AGBL1: variants seen among roughly 807,000 people sequenced by gnomAD.
AGBL1 encodes cytosolic carboxypeptidase 4.
Under a neutral mutation model 118.9 loss-of-function variants are expected in AGBL1, and 130 were observed. The ratio of observed to expected loss-of-function variants is 1.09; its 90% confidence interval spans 0.95 to 1.26. The LOEUF (loss-of-function observed/expected upper bound fraction) is 1.26, where lower values mean the gene tolerates loss of function less well. Among genes scored for constraint, AGBL1 ranks in the 50% most tolerant of loss-of-function variants. The probability of loss-of-function intolerance (pLI) is 0.00; values close to 1 mark genes in which losing one functional copy is unlikely to be tolerated. For missense variants in AGBL1, 1,584 were observed against 1,298.1 expected, an observed-to-expected ratio of 1.22 and a Z score of -3.38; for synonymous variants, 555 against 478.9, an observed-to-expected ratio of 1.16 and a Z score of -2.08.
chr15:86,534,133 A>T (rs2083389331), intron 19 of AGBL1, among the ~76,000 whole-genome samples: 1 of 150,778 alleles, frequency 6.6e-6, no homozygotes, highest in African/African-American at 2.4e-5. Flanking sequence ...AAAAAAAAAA[A>T]AGATTGTCCT....
At chr15:86,464,604 G>A (rs1257442865) in intron 18 of AGBL1, among the ~76,000 whole-genome samples, 1 of 152,152 alleles carries the variant, frequency 6.6e-6, no homozygotes, top group African/African-American at 2.4e-5. Flanking sequence ...ATTATTTTGA[G>A]ATATGTTCCA....
At chr15:86,801,310 CATCTATCTATCT>C (rs10629012) in intron 22 of AGBL1, among the ~76,000 whole-genome samples, 3,743 of 147,290 alleles carry the variant, frequency 0.025, 76 homozygotes, top group African/African-American at 0.055. Flanking sequence ...TTGATGATTA[CATCTATCTATCT>C]ATCTATCTAT....
intron 6 of AGBL1, among the ~76,000 whole-genome samples, chr15:86,242,767 G>A (rs2078660056): frequency 6.6e-6 from 1 of 152,214 alleles, no homozygotes; most frequent in Non-Finnish European, 1.5e-5. Flanking sequence ...AAAGAGCAGT[G>A]ATAACAACTT....
intron 23 of AGBL1, among the ~76,000 whole-genome samples, chr15:86,952,563 C>A (rs2080890593): frequency 6.6e-6 from 1 of 151,958 alleles, no homozygotes; most frequent in Non-Finnish European, 1.5e-5. Context: ...GTTTAAATAC[C>A]TTATAGATTC....
chr15:86,932,879 G>C (rs900285635), intron 23 of AGBL1: 1 of 152,006 alleles, frequency 6.6e-6, no homozygotes, highest in Non-Finnish European at 1.5e-5. Context: ...TGAAAAAAAT[G>C]TTCTGGTCTT....
intron 1 of AGBL1, among the ~76,000 whole-genome samples, chr15:86,087,758 T>A (rs1471717861): frequency 6.6e-6 from 1 of 152,204 alleles, no homozygotes; most frequent in Non-Finnish European, 1.5e-5. Flanking sequence ...TAGCTGGAAT[T>A]TGAGCAGAGG....
At chr15:86,927,651 T>C (rs1475228814) in intron 23 of AGBL1, among the ~76,000 whole-genome samples, 1 of 152,178 alleles carries the variant, frequency 6.6e-6, no homozygotes, top group African/African-American at 2.4e-5. Flanking sequence ...CAGAAGGCTA[T>C]AATGAATAGA....
chr15:86,979,384 A>G (rs985387454), intron 23 of AGBL1, among the ~76,000 whole-genome samples: 1 of 152,214 alleles, frequency 6.6e-6, no homozygotes, highest in Non-Finnish European at 1.5e-5. Flanking sequence ...CAGTTATCTT[A>G]CTATATCTAA....
chr15:86,172,191 A>C (rs996919958), intron 5 of AGBL1, among the ~76,000 whole-genome samples: 1 of 152,192 alleles, frequency 6.6e-6, no homozygotes, highest in Non-Finnish European at 1.5e-5. Context: ...TGAAATAAAA[A>C]AATTAAAATT....
chr15:86,558,501 C>T (rs940137230), intron 21 of AGBL1, among the ~76,000 whole-genome samples: 2 of 152,132 alleles, frequency 1.3e-5, no homozygotes, highest in African/African-American at 4.8e-5. Context: ...ACTTTGTTTC[C>T]CTAGTAACTC....
chr15:86,170,349 T>C (rs2166090), intron 5 of AGBL1, among the ~76,000 whole-genome samples: 9,617 of 152,036 alleles, frequency 0.063, 992 homozygotes, highest in African/African-American at 0.21. Flanking sequence ...AAGAGAGCAC[T>C]AGTGAACTAT....
chr15:86,632,274 T>TAAAAA (rs138490379), intron 21 of AGBL1, among the ~76,000 whole-genome samples: 6 of 125,298 alleles, frequency 4.8e-5, no homozygotes, highest in African/African-American at 1.6e-4. Context: ...TCTTTCTCTT[T>TAAAAA]AAAAAAAAAA....
At chr15:86,269,317 G>A (rs772457491) in intron 13 of AGBL1, among the ~76,000 whole-genome samples, 4 of 152,172 alleles carry the variant, frequency 2.6e-5, no homozygotes, top group Non-Finnish European at 5.9e-5. Context: ...AGCACCTCAA[G>A]TTTAGACACT....
intron 24 of AGBL1, among the ~76,000 whole-genome samples, chr15:87,017,314 C>T (rs1380173594): frequency 6.6e-6 from 1 of 152,132 alleles, no homozygotes; most frequent in Non-Finnish European, 1.5e-5. Context: ...GTCCCTGATA[C>T]CATTCTTCCA....
chr15:86,143,074 G>A (rs1472791405), intron 2 of AGBL1, among the ~76,000 whole-genome samples: 1 of 152,218 alleles, frequency 6.6e-6, no homozygotes, highest in African/African-American at 2.4e-5. Context: ...TGGGCAAGGT[G>A]GAGGAGGTCC....
At chr15:86,185,798 C>G (rs963222532) in intron 5 of AGBL1, among the ~76,000 whole-genome samples, 4 of 151,974 alleles carry the variant, frequency 2.6e-5, no homozygotes, top group African/African-American at 9.7e-5. Flanking sequence ...GGAGATATAC[C>G]TAATGTAAAT....
At chr15:86,175,363 T>C (rs2077469358) in intron 5 of AGBL1, among the ~76,000 whole-genome samples, 1 of 152,150 alleles carries the variant, frequency 6.6e-6, no homozygotes, top group Non-Finnish European at 1.5e-5. Flanking sequence ...GAGTAATACC[T>C]CCTGTGTCAT....
intron 1 of AGBL1, among the ~76,000 whole-genome samples, chr15:86,117,161 C>A (rs879605677): frequency 1.3e-5 from 2 of 152,014 alleles, no homozygotes; most frequent in Non-Finnish European, 1.5e-5. Context: ...GGGGTCCACA[C>A]TCATGGCTCT....
At chr15:86,670,648 G>GTATATATA (rs140181221) in intron 21 of AGBL1, among the ~76,000 whole-genome samples, 20 of 41,678 alleles carry the variant, frequency 4.8e-4, no homozygotes, top group African/African-American at 1.4e-3. Context: ...GTGTGTGTGT[G>GTATATATA]TGTATATATA....
Sources: allele counts gnomAD v4.1 joint callset (sites outside exome capture counted in the v4.1 genomes callset), GRCh38; gene constraint gnomAD v4.1.1; transcripts MANE v1.5; gene names NCBI Gene and HGNC (gene_info 2026-07-23, HGNC 2026-07-21).